STK33: variants seen among roughly 807,000 people sequenced by gnomAD.
STK33 encodes the protein serine/threonine-protein kinase 33.
In STK33, 52 loss-of-function variants were observed where a neutral mutation model predicts 58.0. That is an observed-to-expected ratio of 0.90 (90% CI 0.72 to 1.13). The LOEUF is 1.13. Ranked by LOEUF, STK33 falls within the 50% of genes most tolerant of loss-of-function variation. The pLI, the probability that STK33 is intolerant of heterozygous loss-of-function variation, is 0.00. For missense variants in STK33, 630 were observed against 604.2 expected (o/e 1.04, Z -0.45); for synonymous variants, 215 against 200.1 (o/e 1.07, Z -0.63).
intron 1 of STK33, among the ~76,000 whole-genome samples, chr11:8,493,366 G>A (rs1175558278): frequency 1.3e-5 from 2 of 151,844 alleles, no homozygotes; most frequent in Non-Finnish European, 2.9e-5. Context: ...ATAAATTCCT[G>A]GACACATACA....
intron 1 of STK33, among the ~76,000 whole-genome samples, chr11:8,568,587 A>C (rs1957599815): frequency 6.6e-6 from 1 of 152,174 alleles, no homozygotes; most frequent in South Asian, 2.1e-4. Context: ...AGACGTTTGA[A>C]GTTTTTTGAA....
the STK33 span, among the ~76,000 whole-genome samples, chr11:8,382,384 T>A: frequency 6.6e-6 from 1 of 152,198 alleles, no homozygotes; most frequent in Non-Finnish European, 1.5e-5. Context: ...AAATGATGCA[T>A]CTGAGCCTCT....
intron 1 of STK33, among the ~76,000 whole-genome samples, chr11:8,523,324 C>G (rs553404463): frequency 6.6e-6 from 1 of 151,312 alleles, no homozygotes; most frequent in Non-Finnish European, 1.5e-5. Context: ...TCTTCCCAGC[C>G]GCCATCCCAT....
the STK33 span, among the ~76,000 whole-genome samples, chr11:8,385,562 T>C: frequency 6.6e-6 from 1 of 152,232 alleles, no homozygotes; most frequent in African/African-American, 2.4e-5. Flanking sequence ...TATATAGAAA[T>C]GCCTTATCTC....
chr11:8,372,870 CCT>C, the STK33 span, among the ~76,000 whole-genome samples: 2 of 152,220 alleles, frequency 1.3e-5, no homozygotes, highest in African/African-American at 4.8e-5. Context: ...CACTGACCAG[CCT>C]CTCTGAGAAG....
chr11:8,457,624 T>TGG (rs1242709322), intron 8 of STK33, 145 bp from the exon 9 acceptor site: 2 of 699,206 alleles, frequency 2.9e-6, no homozygotes, highest in African/African-American at 3.5e-5. Flanking sequence ...GATACCATAC[T>TGG]GGATACTAGA....
chr11:8,385,009 G>T, the STK33 span, among the ~76,000 whole-genome samples: 2 of 152,144 alleles, frequency 1.3e-5, no homozygotes, highest in Non-Finnish European at 2.9e-5. Flanking sequence ...TGCCAGCCCA[G>T]GCCTGGCCTT....
At chr11:8,430,835 T>A (rs1943329095) in intron 14 of STK33, among the ~76,000 whole-genome samples, 1 of 151,668 alleles carries the variant, frequency 6.6e-6, no homozygotes, top group African/African-American at 2.4e-5. Context: ...AATCCCCAAG[T>A]GTCCTGGCTC....
intron 1 of STK33, among the ~76,000 whole-genome samples, chr11:8,492,207 G>T (rs200853160): frequency 7.6e-5 from 11 of 145,494 alleles, no homozygotes; most frequent in Non-Finnish European, 1.1e-4. Flanking sequence ...CCCATCTCAC[G>T]TGCAGAGACA....
At chr11:8,388,357 C>T (rs1428702432), downstream of STK33, among the ~76,000 whole-genome samples, 1 of 152,202 alleles carries the variant, frequency 6.6e-6, no homozygotes, top group Non-Finnish European at 1.5e-5. Flanking sequence ...AAGGCAGCCA[C>T]AAGAAATGCA....
At chr11:8,518,620 G>A (rs1373571188) in intron 1 of STK33, among the ~76,000 whole-genome samples, 1 of 152,162 alleles carries the variant, frequency 6.6e-6, no homozygotes. Flanking sequence ...GACACACATA[G>A]GCTCAAAATA....
the STK33 span, among the ~76,000 whole-genome samples, chr11:8,336,904 C>T: frequency 2.0e-4 from 31 of 152,346 alleles, no homozygotes; most frequent in African/African-American, 6.3e-4. Flanking sequence ...GCCCCGAGGC[C>T]GGTAATGAGG....
At chr11:8,364,847 A>T in the STK33 span, among the ~76,000 whole-genome samples, 2 of 152,080 alleles carry the variant, frequency 1.3e-5, no homozygotes, top group African/African-American at 2.4e-5. Flanking sequence ...GTTGCTATGA[A>T]TGTTCTTGCA....
At chr11:8,505,752 G>A (rs1951818911) in intron 1 of STK33, among the ~76,000 whole-genome samples, 1 of 152,174 alleles carries the variant, frequency 6.6e-6, no homozygotes, top group Non-Finnish European at 1.5e-5. Flanking sequence ...TTTGTCAAAA[G>A]AAGCACTCTA....
chr11:8,555,466 C>T (rs1956673205), intron 1 of STK33, among the ~76,000 whole-genome samples: 1 of 152,066 alleles, frequency 6.6e-6, no homozygotes, highest in Admixed American at 6.6e-5. Flanking sequence ...GAGTTCAAGA[C>T]CAGCCTGGGC....
intron 1 of STK33, among the ~76,000 whole-genome samples, chr11:8,517,222 G>T (rs554749427): frequency 6.6e-6 from 1 of 152,298 alleles, no homozygotes; most frequent in East Asian, 1.9e-4. Context: ...AGCAAACAGG[G>T]TCTAGAGTAC....
chr11:8,418,758 A>AT (rs575750037), intron 14 of STK33, among the ~76,000 whole-genome samples: 125 of 152,078 alleles, frequency 8.2e-4, no homozygotes, highest in African/African-American at 2.7e-3. Flanking sequence ...AGCATTTGTT[A>AT]TTTTTTTACT....
At chr11:8,450,417 G>C (rs1444629464) in intron 11 of STK33, among the ~76,000 whole-genome samples, 1 of 152,046 alleles carries the variant, frequency 6.6e-6, no homozygotes, top group Non-Finnish European at 1.5e-5. Flanking sequence ...GGGGTTGGGA[G>C]CTAGGGGAGG....
chr11:8,419,511 A>G (rs761199089), intron 14 of STK33, among the ~76,000 whole-genome samples: 12 of 152,182 alleles, frequency 7.9e-5, no homozygotes, highest in Non-Finnish European at 1.8e-4. Context: ...GAAGTTGGGT[A>G]GCATGATGCC....
Sources: gnomAD v4.1 joint callset for allele counts (sites outside exome capture counted in the v4.1 genomes callset) on GRCh38, gnomAD v4.1.1 for gene constraint, MANE v1.5 for transcripts, NCBI Gene and HGNC (gene_info 2026-07-23, HGNC 2026-07-21) for gene names.